UBA52: variants seen among roughly 807,000 people sequenced by gnomAD.
The protein encoded by UBA52 is ubiquitin-ribosomal protein eL40 fusion protein.
UBA52 carries 1 observed loss-of-function variant against 15.3 expected under a neutral mutation model. The observed-to-expected ratio is 0.07, with a 90% confidence interval of 0.02 to 0.31. The LOEUF (loss-of-function observed/expected upper bound fraction) is 0.31, where lower values mean the gene tolerates loss of function less well. Ranked by LOEUF, UBA52 falls within the 10% of genes least tolerant of loss-of-function variation. The pLI is 1.00. For missense variants in UBA52, 87 were observed against 168.0 expected (o/e 0.52, Z 2.66); for synonymous variants, 50 against 58.3 (o/e 0.86, Z 0.65).
At chr19:18,568,211 G>A (rs945568065), upstream of UBA52, among the ~76,000 whole-genome samples, 1 of 149,802 alleles carries the variant, frequency 6.7e-6, no homozygotes, top group African/African-American at 2.5e-5. Context: ...AGGTTGCAGT[G>A]AGCCGAGATT....
upstream of UBA52, chr19:18,568,891 G>A (rs949893792): frequency 1.8e-5 from 9 of 506,418 alleles, no homozygotes; most frequent in Admixed American, 1.4e-4. Context: ...AGCTGGAGTC[G>A]TGGGGCTGGG....
chr19:18,564,777 A>G, the UBA52 span: 3 of 1,411,822 alleles, frequency 2.1e-6, no homozygotes. Flanking sequence ...GTTGTGAAGC[A>G]GGCAAGGGCT....
At chr19:18,572,790 C>G (rs1975566287) in intron 1 of UBA52, 3 of 1,003,476 alleles carry the variant, frequency 3.0e-6, no homozygotes, top group African/African-American at 3.5e-5. Flanking sequence ...GGTGCTCCAG[C>G]TTGGAGTTAG....
chr19:18,567,477 G>A (rs535417652), upstream of UBA52, among the ~76,000 whole-genome samples: 2 of 152,324 alleles, frequency 1.3e-5, no homozygotes, highest in African/African-American at 4.8e-5. Context: ...ACAGAGCACG[G>A]GCTCATGTGA....
chr19:18,571,212 A>C (rs996270731), upstream of UBA52, among the ~76,000 whole-genome samples: 4 of 149,954 alleles, frequency 2.7e-5, no homozygotes, highest in African/African-American at 9.8e-5. Context: ...CGGGAGGCTG[A>C]GGCAGGAGAA....
chr19:18,573,628 G>C (rs778054253), intron 2 of UBA52, 34 bp from the exon 3 acceptor site: 2 of 1,607,424 alleles, frequency 1.2e-6, no homozygotes, highest in Admixed American at 3.3e-5. Context: ...AATATGGTCC[G>C]CAGAGCCTCT....
upstream of UBA52, chr19:18,567,178 C>G: frequency 6.2e-7 from 1 of 1,614,128 alleles, no homozygotes; most frequent in Non-Finnish European, 8.5e-7. Context: ...GGCCTTCAGC[C>G]GTAAGTGTCA....
rs1289960873 is a variant in UBA52, at chr19:18,577,460, A to T, written c.*2310A>T. 6 of 151,652 alleles carry T rather than the reference A, an allele frequency of 4.0e-5. No individual in the cohort carries two copies. The highest frequency in any genetic ancestry group is 8.8e-5 in the Non-Finnish European group (6 of 67,962). The allele number at this position is 151,652 out of a possible 1,614,324, so 9.4% of individuals were successfully genotyped here. A position where few individuals can be genotyped will look rare whatever the true frequency, so the allele number is the denominator to read the frequency against. On this transcript the variant is annotated 3_prime_UTR_variant, in exon 5 of 5. Transcript: ENST00000442744. ...TTCATTCAATAAACAGCTGCTGCTC[A>T]CTCTCCTGGTCCGTGGACTCTTTTT...
intron 2 of UBA52, 46 bp downstream of exon 2, chr19:18,573,449 C>A: frequency 6.6e-7 from 1 of 1,525,342 alleles, no homozygotes; most frequent in Non-Finnish European, 9.1e-7. Context: ...ACTGGGAGTC[C>A]CTCTCTGCCC....
At chr19:18,569,587 G>A (rs1223102564), upstream of UBA52, among the ~76,000 whole-genome samples, 1 of 151,692 alleles carries the variant, frequency 6.6e-6, no homozygotes, top group Non-Finnish European at 1.5e-5. Context: ...CTTCCCTCAC[G>A]CTGCTGTCAC....
intron 1 of UBA52, 108 bp downstream of exon 1, chr19:18,572,017 G>A (rs539459216): frequency 2.0e-5 from 3 of 152,460 alleles, no homozygotes; most frequent in African/African-American, 7.2e-5. Context: ...TCGGCAGGGT[G>A]GCTGGGCAGG....
chr19:18,574,156 T>C (rs1975655457), intron 3 of UBA52, among the ~76,000 whole-genome samples: 1 of 150,240 alleles, frequency 6.7e-6, no homozygotes, highest in Admixed American at 6.6e-5. Flanking sequence ...TGGTGGTGCG[T>C]GCCTGTAGTC....
At chr19:18,570,394 G>A (rs747662643), upstream of UBA52, among the ~76,000 whole-genome samples, 2 of 151,644 alleles carry the variant, frequency 1.3e-5, no homozygotes, top group Admixed American at 1.3e-4. Context: ...TAGAGACAGG[G>A]TCTCACTATG....
In UBA52 at chr19:18,574,249, C is replaced by T. The variant is rs564588522; in HGVS notation, c.190+501C>T. 2.7e-5 allele frequency among the ~76,000 whole-genome samples: 4 copies of T among 150,164 alleles called. No homozygotes were observed. In the East Asian group the frequency reaches 7.9e-4, roughly 29 times the overall value. On this transcript the variant is annotated intron_variant, in intron 3 of 4. Transcript: ENST00000442744. ...AAAGTCATAATGTGAATTTTTTTAT[C>T]ACTGCAATAAGGAAATTAGTGTCAC...
In UBA52 at chr19:18,575,821, A is replaced by G. The variant is rs41293583; in HGVS notation, c.*671A>G. 3,013 of 152,758 alleles carry G rather than the reference A, an allele frequency of 0.02. 102 individuals are homozygous for G. Among genetic ancestry groups the G allele is most frequent in the African/African-American group, 0.07 (2,904 of 41,396 alleles). The allele number at this position is 152,758 out of a possible 1,614,324, so 9.5% of individuals were successfully genotyped here. On this transcript the variant is annotated 3_prime_UTR_variant, in exon 5 of 5. Coordinates refer to ENST00000442744, the MANE Select transcript of UBA52 (RefSeq NM_001033930.3). The stretch of plus-strand genomic sequence containing the variant: ...GAGTGCAGTGGCGCAGTCTCGGCTT[A>G]CTACAACCTCTGCCTCCGGGGTTCA...
chr19:18,574,328 C>T (rs931073419), intron 3 of UBA52, among the ~76,000 whole-genome samples: 11 of 151,906 alleles, frequency 7.2e-5, no homozygotes, highest in Non-Finnish European at 1.5e-5. Flanking sequence ...GAGTCTTACT[C>T]TGTCACCCAG....
chr19:18,573,676 C>G lies in UBA52; in HGVS notation c.118C>G (p.Gln40Glu). 1 of 1,614,112 alleles carries G rather than the reference C, an allele frequency of 6.2e-7. No individual in the cohort carries two copies. The highest frequency in any genetic ancestry group is 8.5e-7 in the Non-Finnish European group (1 of 1,180,010). The change falls in exon 3 of 5, where the codon CAG becomes GAG. Residue 40 changes from glutamine (Q) to glutamate (E), a missense_variant. Coordinates refer to ENST00000442744, the MANE Select transcript of UBA52 (RefSeq NM_001033930.3). ...CTCCCCCTCAGGTATCCCACCTGAC[C>G]AGCAGCGTCTGATATTTGCCGGCAA... Reference protein sequence around the residue: ...IQDKEGIPPDQQRLIFAGKQL... With the variant: ...IQDKEGIPPDEQRLIFAGKQL...
At chr19:18,564,785 G>A in the UBA52 span, 2 of 1,492,510 alleles carry the variant, frequency 1.3e-6, no homozygotes, top group East Asian at 2.3e-5. Context: ...GCAGGCAAGG[G>A]CTTGGCATGA....
chr19:18,572,853 C>T, intron 1 of UBA52: 1 of 1,028,660 alleles, frequency 9.7e-7, no homozygotes, highest in Non-Finnish European at 1.2e-6. Flanking sequence ...GATGGCTTCC[C>T]ATCCAGGCTG....
Sources: gnomAD v4.1 joint callset for allele counts (sites outside exome capture counted in the v4.1 genomes callset) on GRCh38, gnomAD v4.1.1 for gene constraint, MANE v1.5 for transcripts, NCBI Gene and HGNC (gene_info 2026-07-23, HGNC 2026-07-21) for gene names.